The following NTNG1 variants were observed in gnomAD, a reference collection of about 807,000 sequenced individuals.
The protein encoded by NTNG1 is netrin G1.
A neutral mutation model predicts 54.0 loss-of-function variants in NTNG1; 16 were observed. The observed-to-expected ratio is 0.30, with a 90% confidence interval of 0.20 to 0.45. NTNG1 has a LOEUF of 0.45. Among genes scored for constraint, NTNG1 ranks in the 20% least tolerant of loss-of-function variants. The pLI, the probability that NTNG1 is intolerant of heterozygous loss-of-function variation, is 1.00. For synonymous variants in NTNG1, 255 were observed against 263.1 expected, an observed-to-expected ratio of 0.97 and a Z score of 0.30; for missense variants, 530 against 678.7, an observed-to-expected ratio of 0.78 and a Z score of 2.43.
At position 107,480,657 on chromosome 1, in the gene NTNG1, G is replaced by A. The variant is rs1324243387; in HGVS notation, c.1437G>A (p.Thr479=). 2.0e-6 allele frequency: 3 copies of A among 1,531,346 alleles called. No individual in the cohort carries two copies. The highest frequency in any genetic ancestry group is 5.2e-5 in the East Asian group (2 of 38,796). 94.9% of individuals were successfully genotyped at this position (1,531,346 alleles called of 1,614,324 possible). A position where few individuals can be genotyped will look rare whatever the true frequency, so the allele number is the denominator to read the frequency against. Residue 479 remains threonine, a synonymous_variant, in exon 8 of 8, where the codon ACG becomes ACA. Transcript: ENST00000370068. ...NELLHCQNGG[T]CHNNVRCLCP... ...TCCTGCACTGCCAGAACGGAGGGACGTGCCACAACAACGTGCGCTGCCTGT... is the reference window on the plus strand; with the variant it reads ...TCCTGCACTGCCAGAACGGAGGGACATGCCACAACAACGTGCGCTGCCTGT...
chr1:107,426,356 G>A (rs1386355328), intron 5 of NTNG1, among the ~76,000 whole-genome samples: 1 of 151,956 alleles, frequency 6.6e-6, no homozygotes, highest in Non-Finnish European at 1.5e-5. Context: ...TATAGGGTGA[G>A]ATAGAGGTTC....
At chr1:107,328,538 T>C (rs193016590) in intron 3 of NTNG1, among the ~76,000 whole-genome samples, 190 of 152,214 alleles carry the variant, frequency 1.2e-3, no homozygotes, top group African/African-American at 4.4e-3. Flanking sequence ...AAATGTTTGT[T>C]CTGAACATCT....
intron 3 of NTNG1, among the ~76,000 whole-genome samples, chr1:107,331,252 A>C (rs1203776667): frequency 8.3e-6 from 1 of 120,376 alleles, no homozygotes; most frequent in African/African-American, 2.7e-5. Context: ...AGAAGACCCC[A>C]AAAATTCCCA....
chr1:107,234,538 A>T (rs1043355454), intron 2 of NTNG1, among the ~76,000 whole-genome samples: 7 of 151,930 alleles, frequency 4.6e-5, no homozygotes. Context: ...TCCTCTTTTG[A>T]TCCACGCAGC....
intron 2 of NTNG1, among the ~76,000 whole-genome samples, chr1:107,297,839 G>C (rs1358803911): frequency 1.3e-5 from 2 of 152,084 alleles, no homozygotes; most frequent in Non-Finnish European, 2.9e-5. Context: ...CACGTTTTTA[G>C]AAATTACCTA....
intron 2 of NTNG1, among the ~76,000 whole-genome samples, chr1:107,256,517 A>G (rs1236165886): frequency 6.6e-6 from 1 of 152,266 alleles, no homozygotes; most frequent in Non-Finnish European, 1.5e-5. Flanking sequence ...AGCAATTAAC[A>G]TAAAGAGTAT....
intron 2 of NTNG1, among the ~76,000 whole-genome samples, chr1:107,153,522 G>T (rs1213744826): frequency 1.3e-5 from 2 of 152,072 alleles, no homozygotes; most frequent in South Asian, 2.1e-4. Context: ...AAAACCTTCA[G>T]TTCTTTCATT....
intron 2 of NTNG1, among the ~76,000 whole-genome samples, chr1:107,308,476 A>G (rs1009122668): frequency 6.6e-6 from 1 of 151,714 alleles, no homozygotes; most frequent in Admixed American, 6.6e-5. Flanking sequence ...GTGTGGCCTT[A>G]TTTCTGGGCT....
intron 2 of NTNG1, among the ~76,000 whole-genome samples, chr1:107,229,634 G>A (rs774363120): frequency 6.6e-6 from 1 of 151,900 alleles, no homozygotes; most frequent in African/African-American, 2.4e-5. Context: ...TCTGTGGGGA[G>A]TTGGGAAGCT....
chr1:107,148,692 T>C lies in NTNG1; in HGVS notation c.99T>C (p.Cys33=). Residue 33 remains cysteine, a synonymous_variant, in exon 2 of 8, where the codon TGT becomes TGC. Coordinates refer to ENST00000370068, the MANE Select transcript of NTNG1 (RefSeq NM_001113226.3). ...YPLVWGHYDL[C]KTQIYTEEGK... ...TGGTTTGGGGACATTATGATTTGTG[T>C]AAGACTCAGATTTACACGGAAGAAG... is the stretch of plus-strand genomic sequence containing the variant. The C allele has an allele frequency of 6.2e-7, 1 of 1,613,730 alleles. No homozygotes were observed. The highest frequency in any genetic ancestry group is 8.5e-7 in the Non-Finnish European group (1 of 1,179,748).
intron 7 of NTNG1, among the ~76,000 whole-genome samples, chr1:107,459,543 T>A (rs1677152280): frequency 6.6e-6 from 1 of 151,684 alleles, no homozygotes. Flanking sequence ...GAAAAAAAAA[T>A]GTATTTTCAA....
chr1:107,328,983 C>A (rs1668117109), intron 3 of NTNG1: 1 of 152,092 alleles, frequency 6.6e-6, no homozygotes, highest in South Asian at 2.1e-4. Flanking sequence ...AGTATTTACC[C>A]TTTAACAAAA....
chr1:107,450,180 T>TA (rs1430182819), intron 7 of NTNG1, among the ~76,000 whole-genome samples: 2 of 152,120 alleles, frequency 1.3e-5, no homozygotes, highest in Non-Finnish European at 2.9e-5. Context: ...GACAGAATTT[T>TA]AAAGATAATG....
Position 107,360,425 on chromosome 1 carries a change from A to G in NTNG1, c.888-34729A>G, listed in dbSNP as rs1317657053. Among the ~76,000 whole-genome samples the G allele has an allele frequency of 4.6e-5, 7 of 152,158 alleles. No homozygotes were observed. In the East Asian group the frequency reaches 1.3e-3, roughly 29 times the overall value. On this transcript the variant is annotated intron_variant, in intron 3 of 7. Transcript: ENST00000370068. ...AACAGTGAGTGTAAAGACCCTGAAG[A>G]GAAATAGAAAGTACAGTATGGAATA... is the stretch of plus-strand genomic sequence containing the variant.
chr1:107,221,889 G>C (rs1660372162), intron 2 of NTNG1, among the ~76,000 whole-genome samples: 1 of 152,182 alleles, frequency 6.6e-6, no homozygotes, highest in Admixed American at 6.5e-5. Context: ...AGACACTTCT[G>C]TTTGTCCAGG....
At position 107,148,404 on chromosome 1, in the gene NTNG1, A is replaced by C. The variant is rs538103742; in HGVS notation, c.-190A>C. The C allele has an allele frequency of 5.3e-5, 31 of 581,384 alleles. No individual in the cohort carries two copies. The African/African-American group carries it at 5.8e-4, about 11-fold the overall frequency. 36.0% of individuals were successfully genotyped at this position (581,384 alleles called of 1,614,324 possible). On this transcript the variant is annotated 5_prime_UTR_variant, in exon 2 of 8. Transcript: ENST00000370068. ...TCCTCAATATACCTGAATACGCACA[A>C]TATCTTAACTCTTCATATTTGGTTT...
chr1:107,477,846 G>A (rs1678428461), intron 7 of NTNG1, among the ~76,000 whole-genome samples: 1 of 152,100 alleles, frequency 6.6e-6, no homozygotes, highest in Admixed American at 6.5e-5. Context: ...AGGGTGCCTG[G>A]CATACAACAG....
chr1:107,403,702 CA>C (rs35555244), intron 4 of NTNG1: 37,310 of 133,616 alleles, frequency 0.28, 4,984 homozygotes, highest in Middle Eastern at 0.35. Context: ...AAGACTCTGT[CA>C]AAAAAAAAAA....
chr1:107,207,769 G>A (rs1216685762), intron 2 of NTNG1, among the ~76,000 whole-genome samples: 3 of 152,112 alleles, frequency 2.0e-5, no homozygotes, highest in Admixed American at 6.6e-5. Flanking sequence ...AGATACTTTC[G>A]TAGCTCATGT....
Sources: gnomAD v4.1 joint callset for allele counts (sites outside exome capture counted in the v4.1 genomes callset) on GRCh38, gnomAD v4.1.1 for gene constraint, MANE v1.5 for transcripts, NCBI Gene and HGNC (gene_info 2026-07-23, HGNC 2026-07-21) for gene names.